DMAC2L: variants seen among roughly 807,000 people sequenced by gnomAD.
DMAC2L encodes distal membrane arm assembly component 2 like.
A neutral mutation model predicts 22.5 loss-of-function variants in DMAC2L; 21 were observed. The observed-to-expected ratio is 0.93, with a 90% confidence interval of 0.66 to 1.34. The LOEUF is 1.34. Among genes scored for constraint, DMAC2L ranks in the 40% most tolerant of loss-of-function variants. The pLI, the probability that DMAC2L is intolerant of heterozygous loss-of-function variation, is 0.00. For missense variants in DMAC2L, 239 were observed against 246.5 expected (o/e 0.97, Z 0.20); for synonymous variants, 86 against 89.5 (o/e 0.96, Z 0.22).
At chr14:50,314,074 T>C (rs942779100) in intron 1 of DMAC2L, among the ~76,000 whole-genome samples, 2 of 152,174 alleles carry the variant, frequency 1.3e-5, no homozygotes, top group African/African-American at 4.8e-5. Context: ...TATTACTGAG[T>C]GGTATTCCAT....
chr14:50,321,289 C>A, intron 2 of DMAC2L, 194 bp from the exon 3 acceptor site: 1 of 1,122,138 alleles, frequency 8.9e-7, no homozygotes, highest in Non-Finnish European at 1.2e-6. Context: ...ACCATCCAGT[C>A]CAACCCCTCA....
intron 2 of DMAC2L, among the ~76,000 whole-genome samples, chr14:50,320,492 C>G (rs1566557868): frequency 6.6e-6 from 1 of 152,208 alleles, no homozygotes; most frequent in Non-Finnish European, 1.5e-5. Flanking sequence ...CCTGCCTCTT[C>G]TCATGACTCA....
rs1184462931 is a variant in DMAC2L, at chr14:50,322,548, A to G, written c.145A>G (p.Arg49Gly). The change falls in exon 4 of 6, where the codon AGG becomes GGG. Residue 49 changes from arginine to glycine, a missense_variant. Transcript: ENST00000557421. Reference sequence around the variant, plus strand: ...TCGCATCAGGGATGTTGGCCCTGACAGGGCGGCATCCGAGTGGTTGCTGCG... The same window carrying G: ...TCGCATCAGGGATGTTGGCCCTGACGGGGCGGCATCCGAGTGGTTGCTGCG... ...YDRIRDVGPD[R>G]AASEWLLRCG... 2 of 1,613,592 alleles carry G rather than the reference A, an allele frequency of 1.2e-6. No homozygotes were observed. Among genetic ancestry groups the G allele is most frequent in the East Asian group, 2.2e-5 (1 of 44,866 alleles).
intron 2 of DMAC2L, among the ~76,000 whole-genome samples, chr14:50,315,526 G>A (rs1309894683): frequency 6.6e-6 from 1 of 151,602 alleles, no homozygotes; most frequent in Non-Finnish European, 1.5e-5. Context: ...GCTGGGCGTG[G>A]TGGCATATGC....
intron 4 of DMAC2L, among the ~76,000 whole-genome samples, chr14:50,323,208 C>T (rs1349287807): frequency 6.6e-6 from 1 of 151,518 alleles, no homozygotes; most frequent in Non-Finnish European, 1.5e-5. Flanking sequence ...GCCTCAGCCT[C>T]CTGAGTAGCT....
chr14:50,323,385 G>A (rs1313200992), intron 4 of DMAC2L, among the ~76,000 whole-genome samples: 6 of 128,086 alleles, frequency 4.7e-5, no homozygotes, highest in Non-Finnish European at 6.4e-5. Flanking sequence ...CACTGCACCC[G>A]GCCTCTTTTT....
In DMAC2L at chr14:50,317,827, A is replaced by G. The variant is rs752939210; in HGVS notation, c.-6+3201A>G. Among the ~76,000 whole-genome samples, 39 of 151,682 alleles carry G rather than the reference A, an allele frequency of 2.6e-4. 1 individual carries two copies. The highest frequency in any genetic ancestry group is 1.2e-3 in the Admixed American group (19 of 15,212). ...GAGTCGGCATCCTTATCTTGTTCCA[A>G]TTCTTGGAGGGAATGCTTTAAACTT... On this transcript the variant is annotated intron_variant, in intron 2 of 5. Coordinates refer to ENST00000557421, the MANE Select transcript of DMAC2L (RefSeq NM_001382507.1).
At chr14:50,314,716 A>G (rs1337622242) in intron 2 of DMAC2L, 90 bp downstream of exon 2, 4 of 437,720 alleles carry the variant, frequency 9.1e-6, no homozygotes, top group South Asian at 4.8e-5. Flanking sequence ...ATCTCAACTC[A>G]CTGCGGCCTC....
chr14:50,321,398 T>G lies in DMAC2L; in HGVS notation c.-5-85T>G, dbSNP rs1333180789. On this transcript the variant is annotated intron_variant, in intron 2 of 5. Transcript: ENST00000557421. ...GCAAGTGAGTCATCAGCTTTATCAG[T>G]ACAAGAGCATTGACTCTGAAGTAAG... is the stretch of plus-strand genomic sequence containing the variant. 5 of 1,555,318 alleles carry G rather than the reference T, an allele frequency of 3.2e-6. No homozygotes were observed. The East Asian group carries it at 9.3e-5, about 29-fold the overall frequency.
At chr14:50,312,535 C>T (rs1339878967) in intron 1 of DMAC2L, 146 bp downstream of exon 1, 3 of 334,860 alleles carry the variant, frequency 9.0e-6, no homozygotes, top group Non-Finnish European at 1.7e-5. Flanking sequence ...GGACATGGGG[C>T]CGTGGGAGAA....
intron 2 of DMAC2L, among the ~76,000 whole-genome samples, 182 bp downstream of exon 2, chr14:50,314,808 ACT>A (rs2031622987): frequency 6.6e-6 from 1 of 150,662 alleles, no homozygotes; most frequent in African/African-American, 2.4e-5. Flanking sequence ...CGCCCGGCAA[ACT>A]CTCATATTTT....
intron 5 of DMAC2L, 174 bp downstream of exon 5, chr14:50,324,290 C>T: frequency 1.9e-6 from 1 of 530,832 alleles, no homozygotes; most frequent in Non-Finnish European, 3.0e-6. Context: ...AACCTTAATA[C>T]ATTAATGTTG....
Position 50,327,869 on chromosome 14 carries a change from A to G in DMAC2L, c.*2146A>G, listed in dbSNP as rs1401455562. 6.6e-6 allele frequency: 1 copy of G among 152,216 alleles called. No individual in the cohort carries two copies. Among genetic ancestry groups the G allele is most frequent in the African/African-American group, 2.4e-5 (1 of 41,450 alleles). The allele number at this position is 152,216 out of a possible 1,614,324, so 9.4% of individuals were successfully genotyped here. ...AACAATGTTGTGTTTAACAGCTTAT[A>G]CAAATAACACAGTATAAATGGTAAT... On this transcript the variant is annotated 3_prime_UTR_variant, in exon 6 of 6. Coordinates refer to ENST00000557421, the MANE Select transcript of DMAC2L (RefSeq NM_001382507.1).
intron 5 of DMAC2L, 99 bp from the exon 6 acceptor site, chr14:50,325,506 TATAG>T: frequency 1.5e-6 from 2 of 1,361,346 alleles, no homozygotes; most frequent in Non-Finnish European, 1.0e-6. Flanking sequence ...CATAGGGTGA[TATAG>T]ATTCATTTTC....
At chr14:50,321,349 G>C in intron 2 of DMAC2L, 134 bp from the exon 3 acceptor site, 1 of 1,385,040 alleles carries the variant, frequency 7.2e-7, no homozygotes, top group Non-Finnish European at 9.4e-7. Flanking sequence ...AAACAGGAGT[G>C]ACTTGCTCAG....
chr14:50,314,310 A>G (rs897848476), intron 1 of DMAC2L, among the ~76,000 whole-genome samples: 2 of 152,218 alleles, frequency 1.3e-5, no homozygotes, highest in Non-Finnish European at 2.9e-5. Flanking sequence ...CTTTCTTTGC[A>G]TGCTGCCATC....
rs146766928 is a variant in DMAC2L, at chr14:50,327,599, G to A, written c.*1876G>A. ...TCTGTCGCAGCGTCCCAGGTAGCTG[G>A]GATTACAGGCGCCCACCACCACGCC... On this transcript the variant is annotated 3_prime_UTR_variant, in exon 6 of 6. Coordinates refer to ENST00000557421, the MANE Select transcript of DMAC2L (RefSeq NM_001382507.1). 6.6e-6 allele frequency: 1 copy of A among 151,622 alleles called. No homozygotes were observed. Among genetic ancestry groups the A allele is most frequent in the African/African-American group, 2.4e-5 (1 of 41,280 alleles). 9.4% of individuals were successfully genotyped at this position (151,622 alleles called of 1,614,324 possible). A position where few individuals can be genotyped will look rare whatever the true frequency, so the allele number is the denominator to read the frequency against.
At chr14:50,316,408 A>G (rs989279457) in intron 2 of DMAC2L, among the ~76,000 whole-genome samples, 1 of 151,954 alleles carries the variant, frequency 6.6e-6, no homozygotes. Context: ...TTTAGTCCCA[A>G]CTATTTATCT....
upstream of DMAC2L, chr14:50,311,559 G>C (rs1288904701): frequency 2.2e-6 from 1 of 444,508 alleles, no homozygotes; most frequent in African/African-American, 2.0e-5. Context: ...ACTATGCGGG[G>C]TGTGCCAGGA....
Sources: gnomAD v4.1 joint callset for allele counts (sites outside exome capture counted in the v4.1 genomes callset) on GRCh38, gnomAD v4.1.1 for gene constraint, MANE v1.5 for transcripts, NCBI Gene and HGNC (gene_info 2026-07-23, HGNC 2026-07-21) for gene names.